Variants in MYLK observed in about 807,000 individuals in gnomAD.
MYLK encodes the protein myosin light chain kinase.
Under a neutral mutation model 203.4 loss-of-function variants are expected in MYLK, and 106 were observed. The ratio of observed to expected loss-of-function variants is 0.52; its 90% confidence interval spans 0.45 to 0.61. The LOEUF (loss-of-function observed/expected upper bound fraction) is 0.61, where lower values mean the gene tolerates loss of function less well. Ranked by LOEUF, MYLK falls within the 20% of genes least tolerant of loss-of-function variation. The probability of loss-of-function intolerance (pLI) is 0.00; values close to 1 mark genes in which losing one functional copy is unlikely to be tolerated. For synonymous variants in MYLK, 867 were observed against 959.5 expected, an observed-to-expected ratio of 0.90 and a Z score of 1.78; for missense variants, 2,072 against 2,442.3, an observed-to-expected ratio of 0.85 and a Z score of 3.20.
At chr3:123,772,693 A>G (rs2108991559) in intron 4 of MYLK, among the ~76,000 whole-genome samples, 1 of 152,254 alleles carries the variant, frequency 6.6e-6, no homozygotes, top group East Asian at 1.9e-4. Context: ...ACTAAATAAA[A>G]AGAACACAGA....
chr3:123,757,835 G>A (rs1245648533), intron 4 of MYLK, among the ~76,000 whole-genome samples: 1 of 152,142 alleles, frequency 6.6e-6, no homozygotes, highest in Non-Finnish European at 1.5e-5. Flanking sequence ...CATGATTGTT[G>A]CCTGCCTGCC....
At chr3:123,711,383 G>A (rs1352552001) in intron 13 of MYLK, among the ~76,000 whole-genome samples, 5 of 152,116 alleles carry the variant, frequency 3.3e-5, no homozygotes, top group Non-Finnish European at 5.9e-5. Flanking sequence ...ATAAAAACTG[G>A]GAGAAAAAAT....
intron 6 of MYLK, 57 bp from the exon 7 acceptor site, chr3:123,739,119 T>C: frequency 6.3e-7 from 1 of 1,579,146 alleles, no homozygotes; most frequent in South Asian, 1.1e-5. Context: ...TCAACCATCC[T>C]CTCTCCACCT....
intron 2 of MYLK, among the ~76,000 whole-genome samples, chr3:123,864,226 C>A (rs914203744): frequency 1.3e-5 from 2 of 152,150 alleles, no homozygotes; most frequent in African/African-American, 4.8e-5. Context: ...CAAAGGAATT[C>A]TGTAGGATGA....
chr3:123,880,386 G>A (rs769197398), intron 1 of MYLK, among the ~76,000 whole-genome samples: 5 of 152,106 alleles, frequency 3.3e-5, no homozygotes, highest in Admixed American at 6.5e-5. Context: ...GCAGGTGTTC[G>A]GTTCCCCCAA....
At chr3:123,616,143 A>C (rs2057479657) in intron 33 of MYLK, among the ~76,000 whole-genome samples, 1 of 152,226 alleles carries the variant, frequency 6.6e-6, no homozygotes. Context: ...ATTATAACTG[A>C]ATAAAGCTAA....
chr3:123,846,010 A>G (rs184973466), intron 2 of MYLK, among the ~76,000 whole-genome samples: 116 of 152,304 alleles, frequency 7.6e-4, no homozygotes, highest in Non-Finnish European at 1.3e-3. Flanking sequence ...ACCAGACTTT[A>G]TTTGGATTTC....
intron 8 of MYLK, chr3:123,735,720 T>C: frequency 2.6e-6 from 1 of 378,516 alleles, no homozygotes; most frequent in Non-Finnish European, 4.9e-6. Flanking sequence ...AAACATCTAC[T>C]GAAAATTCCA....
At chr3:123,761,781 T>G (rs1236340749) in intron 4 of MYLK, among the ~76,000 whole-genome samples, 1 of 152,160 alleles carries the variant, frequency 6.6e-6, no homozygotes, top group Non-Finnish European at 1.5e-5. Flanking sequence ...ATCCCAGCAT[T>G]TTGGGAGGCC....
chr3:123,780,028 C>T (rs2064232479), intron 4 of MYLK, among the ~76,000 whole-genome samples: 2 of 152,214 alleles, frequency 1.3e-5, no homozygotes, highest in East Asian at 3.9e-4. Flanking sequence ...TTAGTGTTTA[C>T]TGAACGAACC....
chr3:123,806,475 T>C (rs2109198343), intron 3 of MYLK, among the ~76,000 whole-genome samples: 1 of 152,240 alleles, frequency 6.6e-6, no homozygotes, highest in African/African-American at 2.4e-5. Flanking sequence ...AAGAGAAATG[T>C]TGAAAAATAG....
chr3:123,765,772 T>C (rs1415661621), intron 4 of MYLK, among the ~76,000 whole-genome samples: 1 of 152,226 alleles, frequency 6.6e-6, no homozygotes, highest in Non-Finnish European at 1.5e-5. Context: ...TGCTGACATA[T>C]GCTACACTGG....
intron 3 of MYLK, among the ~76,000 whole-genome samples, chr3:123,821,365 A>G (rs1036022551): frequency 6.6e-6 from 1 of 152,240 alleles, no homozygotes; most frequent in Non-Finnish European, 1.5e-5. Flanking sequence ...CTTTTGAAAA[A>G]TAATTAGTCT....
chr3:123,640,008 A>G lies in MYLK; in HGVS notation c.4837+279T>C, dbSNP rs1437418991. ...CAGCTAACACCTAAGCAGTCTTACT[A>G]TGTGCAAAGCACTCTTCCCATCCCT... On this transcript the variant is annotated intron_variant, in intron 28 of 33. Coordinates refer to ENST00000360304, the MANE Select transcript of MYLK (RefSeq NM_053025.4). This position sits in a 1 kb window ranked among gnomAD's most constrained non-coding sequence, Gnocchi z 4.3. 1.3e-5 allele frequency among the ~76,000 whole-genome samples: 2 copies of G among 152,140 alleles called. No homozygotes were observed. Among genetic ancestry groups the G allele is most frequent in the Non-Finnish European group, 2.9e-5 (2 of 68,020 alleles).
intron 2 of MYLK, 87 bp from the exon 3 acceptor site, chr3:123,831,757 C>G (rs1017255126): frequency 5.9e-5 from 12 of 204,376 alleles, no homozygotes; most frequent in African/African-American, 2.3e-4. Context: ...GAGTACATCA[C>G]TCTGGGACAG....
Position 123,662,495 on chromosome 3 carries a change from T to C in MYLK, c.3985+1610A>G, listed in dbSNP as rs551721137. On this transcript the variant is annotated intron_variant, in intron 23 of 33. Transcript: ENST00000360304. ...ACCAGAGAACAGAGGTGAGGAACCA[T>C]AGAATGTCAGAGAATAGAGTCGAGG... Among the ~76,000 whole-genome samples, 8 of 151,978 alleles carry C rather than the reference T, an allele frequency of 5.3e-5. No homozygotes were observed. The South Asian group carries it at 6.3e-4, about 12-fold the overall frequency.
intron 4 of MYLK, among the ~76,000 whole-genome samples, chr3:123,760,304 G>A (rs150277702): frequency 0.014 from 2,194 of 152,128 alleles, 46 homozygotes; most frequent in African/African-American, 0.05. Flanking sequence ...TCAGCCTCCC[G>A]AGTAGCTGGG....
intron 4 of MYLK, among the ~76,000 whole-genome samples, chr3:123,785,701 G>T (rs1210877968): frequency 6.6e-6 from 1 of 152,216 alleles, no homozygotes; most frequent in African/African-American, 2.4e-5. Context: ...CTCTCAATCA[G>T]CCCTGTCCGA....
chr3:123,654,823 C>A (rs1220426457), intron 24 of MYLK, among the ~76,000 whole-genome samples: 1 of 149,096 alleles, frequency 6.7e-6, no homozygotes, highest in Non-Finnish European at 1.5e-5. Context: ...TTCAAGCGAT[C>A]CTCCTGCCTC....
Sources: allele counts gnomAD v4.1 joint callset (sites outside exome capture counted in the v4.1 genomes callset), GRCh38; gene constraint gnomAD v4.1.1; non-coding constraint Gnocchi (gnomAD v3.1); transcripts MANE v1.5; gene names NCBI Gene and HGNC (gene_info 2026-07-23, HGNC 2026-07-21).